The following MDGA2 variants were observed in gnomAD, a reference collection of about 807,000 sequenced individuals.
MDGA2 encodes MAM domain containing glycosylphosphatidylinositol anchor 2.
MDGA2 carries 40 observed loss-of-function variants against 117.8 expected under a neutral mutation model. The observed-to-expected ratio is 0.34, with a 90% CI of 0.26 to 0.44. MDGA2 has a LOEUF of 0.44. Among genes scored for constraint, MDGA2 ranks in the 20% least tolerant of loss-of-function variants. MDGA2 has a pLI of 1.00. For synonymous variants in MDGA2, 452 were observed against 439.0 expected, an observed-to-expected ratio of 1.03 and a Z score of -0.37; for missense variants, 1,123 against 1,250.6, an observed-to-expected ratio of 0.90 and a Z score of 1.54.
At position 47,552,764 on chromosome 14, in the gene MDGA2, T is replaced by G. The variant is rs574808885; in HGVS notation, c.280+121753A>C. Among the ~76,000 whole-genome samples, 3 of 152,024 alleles carry G rather than the reference T, an allele frequency of 2.0e-5. No homozygotes were observed. The East Asian group carries it at 5.8e-4, about 30-fold the overall frequency. On this transcript the variant is annotated intron_variant, in intron 1 of 16. Transcript: ENST00000399232. ...AAATTCAAAGTAATAGTCAAATTTT[T>G]TCTTTCTTACTAAAAGCACAATAAC...
In MDGA2 at chr14:47,098,842, C is replaced by A. The variant is rs1594618211; in HGVS notation, c.926-1719G>T. Among the ~76,000 whole-genome samples the A allele has an allele frequency of 4.6e-5, 7 of 152,030 alleles. No individual in the cohort carries two copies. In the South Asian group the frequency reaches 1.4e-3, roughly 31 times the overall value. On this transcript the variant is annotated intron_variant, in intron 5 of 16. Transcript: ENST00000399232. Reference sequence around the variant, plus strand: ...GGACTATGGACATACCCAATGGTGACATTAAGTCCGGGAATATTTGCCCCT... The same window carrying A: ...GGACTATGGACATACCCAATGGTGAAATTAAGTCCGGGAATATTTGCCCCT...
At chr14:47,201,315 C>T (rs984836532) in intron 3 of MDGA2, among the ~76,000 whole-genome samples, 2 of 152,166 alleles carry the variant, frequency 1.3e-5, no homozygotes, top group Non-Finnish European at 2.9e-5. Context: ...ACTGAAAGGA[C>T]AGTCACTTCC....
intron 1 of MDGA2, among the ~76,000 whole-genome samples, chr14:47,646,687 T>A (rs1176005824): frequency 6.6e-6 from 1 of 152,170 alleles, no homozygotes; most frequent in East Asian, 1.9e-4. Context: ...TGAATAAAAG[T>A]TTTTCTTATG....
chr14:46,992,619 T>A (rs1193391587), intron 8 of MDGA2, among the ~76,000 whole-genome samples: 1 of 152,170 alleles, frequency 6.6e-6, no homozygotes, highest in Non-Finnish European at 1.5e-5. Context: ...CACTCAAGAA[T>A]AGAATATTCT....
chr14:46,893,088 T>C (rs1309614721), intron 10 of MDGA2, among the ~76,000 whole-genome samples: 2 of 151,882 alleles, frequency 1.3e-5, no homozygotes, highest in Non-Finnish European at 2.9e-5. Context: ...AGCCAAGATA[T>C]GGAAACAACC....
At chr14:47,293,425 A>T (rs546929859) in intron 2 of MDGA2, among the ~76,000 whole-genome samples, 27 of 152,192 alleles carry the variant, frequency 1.8e-4, no homozygotes, top group Admixed American at 5.2e-4. Flanking sequence ...CTCTAGACCC[A>T]CATTACCTCT....
chr14:47,351,817 T>C (rs1890888469), intron 1 of MDGA2, among the ~76,000 whole-genome samples: 1 of 151,850 alleles, frequency 6.6e-6, no homozygotes, highest in Non-Finnish European at 1.5e-5. Context: ...AAGTTACAAA[T>C]AATAAGAATA....
chr14:46,853,523 T>G (rs946688160), intron 15 of MDGA2, among the ~76,000 whole-genome samples: 1 of 151,660 alleles, frequency 6.6e-6, no homozygotes, highest in African/African-American at 2.4e-5. Flanking sequence ...AGAGAAAAAG[T>G]CACATTACAT....
At chr14:47,416,730 G>A (rs1892483716) in intron 1 of MDGA2, among the ~76,000 whole-genome samples, 1 of 152,084 alleles carries the variant, frequency 6.6e-6, no homozygotes, top group Admixed American at 6.6e-5. Context: ...CACTATGCAA[G>A]GTTCACCACC....
rs181607668 is a variant in MDGA2, at chr14:47,340,769, A to C, written c.281-39219T>G. 2.9e-4 allele frequency among the ~76,000 whole-genome samples: 44 copies of C among 152,300 alleles called. No individual in the cohort carries two copies. The East Asian group carries it at 6.0e-3, about 21-fold the overall frequency. On this transcript the variant is annotated intron_variant, in intron 1 of 16. Transcript: ENST00000399232. Reference sequence around the variant, plus strand: ...TCTCATAAATCTGGACTCAGTCTTCAACTCATTCTCAGACCAGGCAATCAC... The same window carrying C: ...TCTCATAAATCTGGACTCAGTCTTCCACTCATTCTCAGACCAGGCAATCAC...
chr14:46,934,026 A>G (rs528230061), intron 9 of MDGA2, among the ~76,000 whole-genome samples: 2 of 151,610 alleles, frequency 1.3e-5, no homozygotes, highest in East Asian at 3.9e-4. Context: ...TAAGAATCTT[A>G]TCCAAAAATT....
intron 1 of MDGA2, among the ~76,000 whole-genome samples, chr14:47,348,475 AT>A (rs567122786): frequency 6.6e-6 from 1 of 152,090 alleles, no homozygotes; most frequent in Non-Finnish European, 1.5e-5. Context: ...GCCTCCCAAA[AT>A]GCTGGGAGTA....
rs182846436 is a variant in MDGA2, at chr14:46,875,906, A to G, written c.2437+1583T>C. ...AAATTATGTATAATGAATTTTTATA[A>G]CACTGTTGAACCTTTTTTTCGTAAT... On this transcript the variant is annotated intron_variant, in intron 12 of 16. Coordinates refer to ENST00000399232, the MANE Select transcript of MDGA2 (RefSeq NM_001113498.3). Among the ~76,000 whole-genome samples, 110 of 151,732 alleles carry G rather than the reference A, an allele frequency of 7.2e-4. 1 individual carries two copies. The highest frequency in any genetic ancestry group is 1.4e-3 in the Non-Finnish European group (96 of 67,646).
intron 1 of MDGA2, among the ~76,000 whole-genome samples, chr14:47,317,130 C>T (rs1048675286): frequency 1.3e-5 from 2 of 151,998 alleles, no homozygotes; most frequent in Non-Finnish European, 2.9e-5. Flanking sequence ...CAGTCTCTAG[C>T]CAAACATTTA....
intron 1 of MDGA2, among the ~76,000 whole-genome samples, chr14:47,398,690 T>C (rs912373428): frequency 1.3e-5 from 2 of 152,178 alleles, no homozygotes; most frequent in African/African-American, 2.4e-5. Flanking sequence ...CTGTATTTCA[T>C]GCAATTTAAT....
At chr14:47,481,583 C>G (rs548042190) in intron 1 of MDGA2, among the ~76,000 whole-genome samples, 3 of 151,956 alleles carry the variant, frequency 2.0e-5, no homozygotes, top group East Asian at 1.9e-4. Context: ...CAAATTATAC[C>G]ATAGTCATAC....
intron 1 of MDGA2, among the ~76,000 whole-genome samples, chr14:47,325,301 T>TA (rs1267335813): frequency 6.6e-6 from 1 of 152,116 alleles, no homozygotes; most frequent in African/African-American, 2.4e-5. Context: ...CCATAGGAGA[T>TA]ATCACAACCA....
intron 2 of MDGA2, among the ~76,000 whole-genome samples, chr14:47,289,335 ACACG>A (rs1168586794): frequency 3.5e-5 from 5 of 144,340 alleles, no homozygotes; most frequent in Non-Finnish European, 7.8e-5. Context: ...ACACACACAC[ACACG>A]CACACACTCT....
At chr14:46,969,915 T>C (rs183084338) in intron 8 of MDGA2, among the ~76,000 whole-genome samples, 14,428 of 137,930 alleles carry the variant, frequency 0.1, 1,628 homozygotes, top group African/African-American at 0.25. Context: ...CACATGTACC[T>C]TAGAACTTAA....
Sources: allele counts gnomAD v4.1 joint callset (sites outside exome capture counted in the v4.1 genomes callset), GRCh38; gene constraint gnomAD v4.1.1; transcripts MANE v1.5; gene names NCBI Gene and HGNC (gene_info 2026-07-23, HGNC 2026-07-21).